Variants in PHF21A observed in about 807,000 individuals in gnomAD.
PHF21A encodes BHC80a.
In PHF21A, 11 loss-of-function variants were observed where a neutral mutation model predicts 82.5. The observed-to-expected ratio is 0.13, with a 90% CI of 0.08 to 0.22. The LOEUF is 0.22. PHF21A is among the 10% of genes least tolerant of loss of function. The pLI is 1.00. For synonymous variants in PHF21A, 297 were observed against 302.8 expected (o/e 0.98, Z 0.20); for missense variants, 579 against 837.8 (o/e 0.69, Z 3.81).
chr11:46,086,760 A>G (rs184838873), intron 3 of PHF21A, among the ~76,000 whole-genome samples: 14 of 152,346 alleles, frequency 9.2e-5, no homozygotes, highest in African/African-American at 3.4e-4. Context: ...TTCTACTGAC[A>G]GTAACATAAA....
rs2088039872 is a variant in PHF21A at position 45,933,796 on chromosome 11, G to A, written c.*172C>T. On this transcript the variant is annotated 3_prime_UTR_variant, in exon 19 of 19. Coordinates refer to ENST00000676320, the MANE Select transcript of PHF21A (RefSeq NM_001352027.3). ...TTGCATGTACACACAGAATAAGAAGGATCAATTGGCAAACTCTGGTGCCAC... is the reference window on the plus strand; with the variant it reads ...TTGCATGTACACACAGAATAAGAAGAATCAATTGGCAAACTCTGGTGCCAC... The A allele has an allele frequency of 3.5e-6, 2 of 569,562 alleles. No individual in the cohort carries two copies. Among genetic ancestry groups the A allele is most frequent in the Non-Finnish European group, 6.0e-6 (2 of 333,136 alleles). 35.3% of individuals were successfully genotyped at this position (569,562 alleles called of 1,614,324 possible).
intron 2 of PHF21A, among the ~76,000 whole-genome samples, chr11:46,091,854 G>A (rs1053427375): frequency 6.6e-6 from 1 of 152,152 alleles, no homozygotes; most frequent in Admixed American, 6.6e-5. Flanking sequence ...GGGCCTGGCT[G>A]GGAATCTGAA....
intron 6 of PHF21A, chr11:46,049,294 T>G (rs1277561620): frequency 2.7e-6 from 1 of 363,938 alleles, no homozygotes; most frequent in African/African-American, 2.1e-5. Flanking sequence ...TAGTAAGGTA[T>G]GTTGTCCTTC....
At chr11:46,019,853 A>G (rs901588365) in intron 6 of PHF21A, among the ~76,000 whole-genome samples, 2 of 152,216 alleles carry the variant, frequency 1.3e-5, no homozygotes, top group Non-Finnish European at 2.9e-5. Context: ...TCCTAGGTAG[A>G]AAAGGACCAC....
intron 18 of PHF21A, 77 bp downstream of exon 18, chr11:45,935,559 C>A (rs757810876): frequency 1.2e-5 from 10 of 824,872 alleles, no homozygotes; most frequent in Non-Finnish European, 1.9e-5. Flanking sequence ...GGGGCCCACA[C>A]GTACTGTTAC....
In PHF21A at chr11:45,949,489, G is replaced by C; in HGVS notation, c.1148-8C>G. ...GCCTCTTGCTTTGGATTTCTTGAGA[G>C]AAGAAAAGGTTTTCATTAGCAGAGA... On this transcript the variant is annotated splice_polypyrimidine_tract_variant and splice_region_variant and intron_variant, in intron 12 of 18. Coordinates refer to ENST00000676320, the MANE Select transcript of PHF21A (RefSeq NM_001352027.3). The C allele has an allele frequency of 6.2e-7, 1 of 1,613,026 alleles. No homozygotes were observed. Among genetic ancestry groups the C allele is most frequent in the Non-Finnish European group, 8.5e-7 (1 of 1,179,014 alleles).
chr11:45,967,453 G>A (rs962369745), intron 9 of PHF21A, among the ~76,000 whole-genome samples: 2 of 152,104 alleles, frequency 1.3e-5, no homozygotes, highest in African/African-American at 4.8e-5. Context: ...CCTAAGTGGG[G>A]TGACTCTCAT....
At chr11:45,999,703 A>G (rs1413017478) in intron 6 of PHF21A, among the ~76,000 whole-genome samples, 1 of 152,234 alleles carries the variant, frequency 6.6e-6, no homozygotes, top group East Asian at 1.9e-4. Flanking sequence ...CACAGATTTG[A>G]AAGGACCAAA....
chr11:46,108,390 T>C (rs1403810230), intron 1 of PHF21A, among the ~76,000 whole-genome samples: 1 of 152,002 alleles, frequency 6.6e-6, no homozygotes, highest in East Asian at 1.9e-4. Flanking sequence ...TCTAAGGCAT[T>C]AGGTTTGGAA....
chr11:46,119,755 A>AG (rs1183018716), intron 1 of PHF21A: 2 of 151,084 alleles, frequency 1.3e-5, no homozygotes, highest in East Asian at 1.9e-4. Context: ...AAAAAAAAAA[A>AG]AAAGAAATCC....
chr11:46,084,313 C>T lies in PHF21A; in HGVS notation c.-83-11G>A, dbSNP rs1043995115. ...CTCTTCTCACTGCAGCTGTAAAGAT[C>T]ATAAAATGTTTTGGATCATTACATT... On this transcript the variant is annotated splice_polypyrimidine_tract_variant and intron_variant, in intron 3 of 18. Transcript: ENST00000676320. 1.4e-5 allele frequency: 12 copies of T among 844,968 alleles called. No individual in the cohort carries two copies. The highest frequency in any genetic ancestry group is 2.2e-5 in the Non-Finnish European group (12 of 543,354). 52.3% of individuals were successfully genotyped at this position (844,968 alleles called of 1,614,324 possible). A position where few individuals can be genotyped will look rare whatever the true frequency, so the allele number is the denominator to read the frequency against.
At chr11:46,084,802 C>T (rs2096836525) in intron 3 of PHF21A, among the ~76,000 whole-genome samples, 1 of 152,106 alleles carries the variant, frequency 6.6e-6, no homozygotes, top group Non-Finnish European at 1.5e-5. Context: ...GCCTCAGCCT[C>T]CAGAGTAGCT....
intron 1 of PHF21A, among the ~76,000 whole-genome samples, chr11:46,099,911 A>G (rs961566522): frequency 6.6e-6 from 1 of 152,308 alleles, no homozygotes; most frequent in Non-Finnish European, 1.5e-5. Flanking sequence ...AAAACTAAAA[A>G]TGGTTCCATA....
rs754873508 is a variant in PHF21A at position 45,945,850 on chromosome 11, G to A, written c.1442C>T (p.Thr481Ile). 1.9e-6 allele frequency: 3 copies of A among 1,578,672 alleles called. No homozygotes were observed. The highest frequency in any genetic ancestry group is 4.5e-5 in the East Asian group (2 of 44,520). Reference sequence around the variant, plus strand: ...TCCCAAGTTACTTACGTCTGTGGAGGTGGGGCTGGGCAGGGACACAGGCTG... The same window carrying A: ...TCCCAAGTTACTTACGTCTGTGGAGATGGGGCTGGGCAGGGACACAGGCTG... Reference protein sequence around the residue: ...PVQPVSLPSPTSTDGDIHEDF... With the variant: ...PVQPVSLPSPISTDGDIHEDF... The change falls in exon 15 of 19, where the codon ACC (threonine) becomes ATC (isoleucine). Residue 481 changes from threonine to isoleucine, a missense_variant. By Grantham distance (89) the Thr-to-Ile change is moderately conservative. This residue lies in a region of PHF21A where 410 missense variants were observed against 642.1 expected (regional missense o/e 0.64). Coordinates refer to ENST00000676320, the MANE Select transcript of PHF21A (RefSeq NM_001352027.3).
At chr11:45,940,784 G>A (rs866198241) in intron 15 of PHF21A, among the ~76,000 whole-genome samples, 15 of 152,188 alleles carry the variant, frequency 9.9e-5, no homozygotes, top group African/African-American at 3.4e-4. Context: ...ACTGTTTTAT[G>A]TGAACTACAG....
intron 9 of PHF21A, among the ~76,000 whole-genome samples, chr11:45,969,077 G>C (rs2136028035): frequency 6.6e-6 from 1 of 152,038 alleles, no homozygotes; most frequent in South Asian, 2.1e-4. Flanking sequence ...CTTCTCCCCA[G>C]AGGCTATTTG....
chr11:46,091,371 G>A (rs1021990306), intron 2 of PHF21A, among the ~76,000 whole-genome samples: 1 of 151,462 alleles, frequency 6.6e-6, no homozygotes, highest in African/African-American at 2.4e-5. Flanking sequence ...TCACTAGATT[G>A]CCCTGTGCAT....
At chr11:45,979,650 G>A in intron 7 of PHF21A, 110 bp downstream of exon 7, 2 of 1,482,244 alleles carry the variant, frequency 1.3e-6, no homozygotes, top group South Asian at 2.4e-5. Context: ...AATAACTTTT[G>A]TTTAGTTCTA....
At chr11:46,010,494 G>A (rs1042911275) in intron 6 of PHF21A, among the ~76,000 whole-genome samples, 2 of 152,194 alleles carry the variant, frequency 1.3e-5, no homozygotes, top group Non-Finnish European at 2.9e-5. Flanking sequence ...TGACTCTAAT[G>A]CCTGAATTTC....
Sources: allele counts gnomAD v4.1 joint callset (sites outside exome capture counted in the v4.1 genomes callset), GRCh38; gene constraint gnomAD v4.1.1; regional missense constraint gnomAD v4.1.1; transcripts MANE v1.5; gene names NCBI Gene and HGNC (gene_info 2026-07-23, HGNC 2026-07-21).